The following ZSCAN5A variants were observed in gnomAD, a reference collection of about 807,000 sequenced individuals.
ZSCAN5A encodes the protein zinc finger and SCAN domain containing 5A.
A neutral mutation model predicts 23.7 loss-of-function variants in ZSCAN5A; 12 were observed. The observed-to-expected ratio is 0.51, with a 90% CI of 0.32 to 0.82. The LOEUF is 0.82. Among genes scored for constraint, ZSCAN5A ranks in the 40% least tolerant of loss-of-function variants. The pLI is 0.03. For synonymous variants in ZSCAN5A, 257 were observed against 239.9 expected, an observed-to-expected ratio of 1.07 and a Z score of -0.66; for missense variants, 597 against 617.9, an observed-to-expected ratio of 0.97 and a Z score of 0.36.
intron 1 of ZSCAN5A, chr19:56,367,972 GC>G (rs1400997582): frequency 6.6e-6 from 1 of 152,348 alleles, no homozygotes; most frequent in Non-Finnish European, 1.5e-5. Context: ...ATTATCATAG[GC>G]CCTTCCCCCC....
chr19:56,290,203 G>C (rs914812796), intron 2 of ZSCAN5A, among the ~76,000 whole-genome samples: 23 of 152,194 alleles, frequency 1.5e-4, no homozygotes, highest in African/African-American at 5.1e-4. Flanking sequence ...GCTTCTGATG[G>C]TTTGGCTCAG....
chr19:56,231,749 G>C (rs1169341757), intron 2 of ZSCAN5A, among the ~76,000 whole-genome samples: 1 of 152,172 alleles, frequency 6.6e-6, no homozygotes, highest in Non-Finnish European at 1.5e-5. Context: ...CATTTACACT[G>C]CTGTGCAGCA....
chr19:56,223,726 G>C lies in ZSCAN5A; in HGVS notation c.493C>G (p.Arg165Gly), dbSNP rs201225377. 3.7e-6 allele frequency: 6 copies of C among 1,613,776 alleles called. No homozygotes were observed. The Admixed American group carries it at 1.0e-4, about 27-fold the overall frequency. ...CGCATCTGGTTCACCGAGGAGGCCC[G>C]TTGGCTGGACACGTCTTTCAGATCA... Reference protein sequence around the residue: ...RDDLKDVSSQRASSVNQMRPG... With the variant: ...RDDLKDVSSQGASSVNQMRPG... Residue 165 changes from arginine (R) to glycine (G), a missense_variant, in exon 4 of 6, where the codon CGG becomes GGG. Transcript: ENST00000683990.
chr19:56,327,612 T>A (rs2041447034), intron 2 of ZSCAN5A, among the ~76,000 whole-genome samples: 1 of 151,284 alleles, frequency 6.6e-6, no homozygotes, highest in Admixed American at 6.6e-5. Flanking sequence ...TAATTTTACA[T>A]CCCAAAATGC....
At chr19:56,295,776 G>C (rs1475827104) in intron 2 of ZSCAN5A, 1 of 152,508 alleles carries the variant, frequency 6.6e-6, no homozygotes, top group African/African-American at 2.4e-5. Context: ...TGACTACTCA[G>C]CACGACCCAC....
At chr19:56,328,998 AAAAAAAAAAAAT>A (rs2041463477) in intron 2 of ZSCAN5A, among the ~76,000 whole-genome samples, 1 of 146,152 alleles carries the variant, frequency 6.8e-6, no homozygotes, top group East Asian at 2.0e-4. Flanking sequence ...CCGTCTCAAA[AAAAAAAAAAAAT>A]AAATAAATAA....
chr19:56,272,804 G>C, intron 2 of ZSCAN5A: 1 of 921,426 alleles, frequency 1.1e-6, no homozygotes, highest in Non-Finnish European at 1.3e-6. Flanking sequence ...ATCCTAGGAG[G>C]AGAACATTCA....
chr19:56,255,005 T>C (rs1274980316), intron 2 of ZSCAN5A, among the ~76,000 whole-genome samples: 2 of 152,120 alleles, frequency 1.3e-5, no homozygotes, highest in Non-Finnish European at 2.9e-5. Flanking sequence ...ACTCTGTTGA[T>C]TGTGACCTTT....
rs779261455 is a variant in ZSCAN5A, at chr19:56,222,263, T to C, written c.803A>G (p.Asp268Gly). The change falls in exon 6 of 6, where the codon GAT becomes GGT. Residue 268 changes from aspartate (D) to glycine (G), a missense_variant. Asp to Gly is a moderately conservative substitution (Grantham distance 94, BLOSUM62 -1). Coordinates refer to ENST00000683990, the MANE Select transcript of ZSCAN5A (RefSeq NM_001322064.3). ...PPKIASVENV[D>G]ADTPSACVVE... is the part of the protein sequence containing the mutation. The stretch of plus-strand genomic sequence containing the variant: ...AACGCAGGCAGAAGGTGTGTCAGCA[T>C]CCACATTTTCCACAGAGGCTATTTT... 1 of 1,613,750 alleles carries C rather than the reference T, an allele frequency of 6.2e-7. No homozygotes were observed. The highest frequency in any genetic ancestry group is 8.5e-7 in the Non-Finnish European group (1 of 1,179,882).
At chr19:56,307,333 C>A (rs1023811491) in intron 2 of ZSCAN5A, among the ~76,000 whole-genome samples, 2 of 152,112 alleles carry the variant, frequency 1.3e-5, no homozygotes, top group Non-Finnish European at 2.9e-5. Flanking sequence ...CTGCTTAAAT[C>A]CACCAGTGGA....
upstream of ZSCAN5A, chr19:56,314,840 G>A (rs754225737): frequency 6.6e-6 from 1 of 152,274 alleles, no homozygotes; most frequent in Non-Finnish European, 1.5e-5. Flanking sequence ...CATTCACATT[G>A]GCTGCTAGGA....
At chr19:56,258,337 G>C (rs1461749671) in intron 2 of ZSCAN5A, among the ~76,000 whole-genome samples, 1 of 151,450 alleles carries the variant, frequency 6.6e-6, no homozygotes, top group Non-Finnish European at 1.5e-5. Context: ...AAGGGACACT[G>C]AGAGGAAATG....
At chr19:56,332,266 G>C (rs2041496610) in intron 2 of ZSCAN5A, among the ~76,000 whole-genome samples, 2 of 152,134 alleles carry the variant, frequency 1.3e-5, no homozygotes, top group African/African-American at 4.8e-5. Context: ...GTGGGGTGTT[G>C]AAGTCCCCTA....
intron 2 of ZSCAN5A, among the ~76,000 whole-genome samples, chr19:56,338,914 C>T (rs2041566096): frequency 6.6e-6 from 1 of 152,198 alleles, no homozygotes; most frequent in African/African-American, 2.4e-5. Context: ...GGCCTGTTCC[C>T]AGGGTTCAAA....
rs1002851045 is a variant in ZSCAN5A, at chr19:56,222,705, T to C, written c.625A>G (p.Thr209Ala). 4 of 1,614,160 alleles carry C rather than the reference T, an allele frequency of 2.5e-6. No individual in the cohort carries two copies. In the Admixed American group the frequency reaches 6.7e-5, roughly 27 times the overall value. The change falls in exon 5 of 6, where the codon ACA becomes GCA. Residue 209 changes from threonine to alanine, a missense_variant. Thr to Ala is a moderately conservative substitution (Grantham distance 58). This residue lies in a region of ZSCAN5A where 406 missense variants were observed against 353.2 expected (regional missense o/e 1.15). Transcript: ENST00000683990. ...GGTCTCAGAGACTTTGGGTCACCTG[T>C]TACGTCAATACTCTTGTGTAGCAGA... is the stretch of plus-strand genomic sequence containing the variant. ...DFLLHKSIDV[T>A]GDPKSLRPKQ...
At chr19:56,230,615 A>ATACG (rs778155664) in intron 2 of ZSCAN5A, among the ~76,000 whole-genome samples, 1 of 147,588 alleles carries the variant, frequency 6.8e-6, no homozygotes, top group Non-Finnish European at 1.5e-5. Flanking sequence ...TTATTTCTTG[A>ATACG]TGTGTGTGTG....
chr19:56,228,684 C>T (rs974743699), intron 2 of ZSCAN5A, among the ~76,000 whole-genome samples: 4 of 151,398 alleles, frequency 2.6e-5, no homozygotes, highest in African/African-American at 4.9e-5. Context: ...AAAGCTCTCA[C>T]ATATGAATGT....
At chr19:56,241,829 A>G (rs2035448441) in intron 2 of ZSCAN5A, among the ~76,000 whole-genome samples, 1 of 152,108 alleles carries the variant, frequency 6.6e-6, no homozygotes, top group Non-Finnish European at 1.5e-5. Context: ...TTCTTTTTTA[A>G]TTTTTTAAAT....
At chr19:56,253,267 C>CAAAA (rs60969244) in intron 2 of ZSCAN5A, among the ~76,000 whole-genome samples, 1 of 109,092 alleles carries the variant, frequency 9.2e-6, no homozygotes, top group Non-Finnish European at 2.0e-5. Flanking sequence ...GAGGCTGTCT[C>CAAAA]AAAAAAAAAA....
Sources: allele counts gnomAD v4.1 joint callset (sites outside exome capture counted in the v4.1 genomes callset), GRCh38; gene constraint gnomAD v4.1.1; regional missense constraint gnomAD v4.1.1; transcripts MANE v1.5; gene names NCBI Gene and HGNC (gene_info 2026-07-23, HGNC 2026-07-21).